Variants in MECOM observed in about 807,000 individuals in gnomAD.
MECOM encodes the protein MDS1 and EVI1 complex locus, also known as histone-lysine N-methyltransferase MECOM.
A neutral mutation model predicts 116.3 loss-of-function variants in MECOM; 13 were observed. The ratio of observed to expected loss-of-function variants is 0.11; its 90% CI spans 0.07 to 0.18. The LOEUF (loss-of-function observed/expected upper bound fraction) is 0.18, where lower values mean the gene tolerates loss of function less well. MECOM is among the 10% of genes least tolerant of loss of function. The probability of loss-of-function intolerance (pLI) is 1.00; values close to 1 mark genes in which losing one functional copy is unlikely to be tolerated. For missense variants in MECOM, 1,299 were observed against 1,509.0 expected, an observed-to-expected ratio of 0.86 and a Z score of 2.31; for synonymous variants, 528 against 535.2, an observed-to-expected ratio of 0.99 and a Z score of 0.19.
rs190623932 is a variant in MECOM, at chr3:169,298,899, T to G, written c.375+82288A>C. Among the ~76,000 whole-genome samples, 4 of 152,234 alleles carry G rather than the reference T, an allele frequency of 2.6e-5. No individual in the cohort carries two copies. In the East Asian group the frequency reaches 7.7e-4, roughly 29 times the overall value. On this transcript the variant is annotated intron_variant, in intron 2 of 16. Transcript: ENST00000651503. ...CTCAGCATTGTTCATTTTCAGTAAA[T>G]GAAAGCAATACAAGCTTTGCAAAGG...
At chr3:169,086,435 T>C in intron 16 of MECOM, 1 of 624,632 alleles carries the variant, frequency 1.6e-6, no homozygotes, top group Non-Finnish European at 2.8e-6. Flanking sequence ...ATTCTGATAT[T>C]TGGGAAGATA....
At chr3:169,382,099 T>G (rs1456887238) in intron 1 of MECOM, among the ~76,000 whole-genome samples, 2 of 152,206 alleles carry the variant, frequency 1.3e-5, no homozygotes, top group Admixed American at 1.3e-4. Flanking sequence ...CCCTTGGTAT[T>G]TCCTTGCCTC....
At chr3:169,170,523 T>TCAAATGTATATA (rs1325470161) in intron 2 of MECOM, among the ~76,000 whole-genome samples, 12 of 151,926 alleles carry the variant, frequency 7.9e-5, no homozygotes, top group African/African-American at 2.2e-4. Context: ...AAGTCACAGC[T>TCAAATGTATATA]CAAATGTATA....
At chr3:169,543,444 A>G (rs1452140746) in intron 1 of MECOM, among the ~76,000 whole-genome samples, 1 of 152,100 alleles carries the variant, frequency 6.6e-6, no homozygotes, top group Non-Finnish European at 1.5e-5. Context: ...GCATGGTAGT[A>G]TGTGCCTGTA....
chr3:169,422,533 A>C (rs1739937115), intron 1 of MECOM, among the ~76,000 whole-genome samples: 1 of 152,130 alleles, frequency 6.6e-6, no homozygotes, highest in South Asian at 2.1e-4. Flanking sequence ...GTTTACCTAG[A>C]ACCCAAAAGC....
rs116736168 is a variant in MECOM at position 169,095,083 on chromosome 3, G to A, written c.3012C>T (p.Asn1004=). Residue 1004 remains asparagine (N), a synonymous_variant, in exon 13 of 17, where the codon AAC becomes AAT. Transcript: ENST00000651503. ...DRHLKKHENG[N]MSGTATSSPH... Reference sequence around the variant, plus strand: ...ACACAATTTATTACGTACCGGACATGTTCCCATTCTCATGTTTCTTTAGGT... The same window carrying A: ...ACACAATTTATTACGTACCGGACATATTCCCATTCTCATGTTTCTTTAGGT... 1,551 of 1,604,072 alleles carry A rather than the reference G, an allele frequency of 9.7e-4. 4 individuals are homozygous for A. In the Middle Eastern group the frequency reaches 0.01, roughly 11 times the overall value.
chr3:169,386,188 T>C (rs1733288068), intron 1 of MECOM, among the ~76,000 whole-genome samples: 2 of 152,220 alleles, frequency 1.3e-5, no homozygotes, highest in Admixed American at 6.5e-5. Flanking sequence ...AAGTATTCCA[T>C]TTTGGAAACA....
chr3:169,357,304 C>T (rs1328013002), intron 2 of MECOM, among the ~76,000 whole-genome samples: 1 of 151,788 alleles, frequency 6.6e-6, no homozygotes, highest in African/African-American at 2.4e-5. Context: ...AACCTTACAG[C>T]ATTTTTCCTA....
intron 2 of MECOM, among the ~76,000 whole-genome samples, chr3:169,345,731 C>T (rs1325006979): frequency 6.6e-6 from 1 of 152,106 alleles, no homozygotes; most frequent in Non-Finnish European, 1.5e-5. Context: ...TGTGTATGGG[C>T]TAATGTCTTT....
At chr3:169,368,843 G>A (rs956777022) in intron 2 of MECOM, among the ~76,000 whole-genome samples, 4 of 151,934 alleles carry the variant, frequency 2.6e-5, no homozygotes, top group Non-Finnish European at 5.9e-5. Context: ...GGCCAAAGAG[G>A]GAAGCAATAA....
At chr3:169,153,842 A>G (rs1046190752) in intron 2 of MECOM, among the ~76,000 whole-genome samples, 11 of 152,178 alleles carry the variant, frequency 7.2e-5, no homozygotes, top group African/African-American at 2.7e-4. Context: ...CCCTGAGTTC[A>G]TGGGAACAGG....
chr3:169,237,169 A>T (rs926245933), intron 2 of MECOM, among the ~76,000 whole-genome samples: 5 of 152,220 alleles, frequency 3.3e-5, no homozygotes. Flanking sequence ...TAGAAAATAA[A>T]TTTTTTGGGA....
intron 1 of MECOM, among the ~76,000 whole-genome samples, chr3:169,513,253 C>A (rs1175859558): frequency 7.2e-5 from 11 of 152,216 alleles, no homozygotes; most frequent in East Asian, 3.8e-4. Flanking sequence ...TGTATTACTG[C>A]CTTGCTGTTC....
chr3:169,413,164 T>C (rs1331998186), intron 1 of MECOM, among the ~76,000 whole-genome samples: 2 of 152,162 alleles, frequency 1.3e-5, no homozygotes, highest in East Asian at 3.9e-4. Context: ...CCAGTTCATC[T>C]CACTGGGACT....
intron 1 of MECOM, among the ~76,000 whole-genome samples, chr3:169,388,073 G>C (rs895049865): frequency 6.6e-6 from 1 of 151,944 alleles, no homozygotes; most frequent in African/African-American, 2.4e-5. Context: ...GTGGCTGAGA[G>C]CGGAGGATGT....
intron 2 of MECOM, among the ~76,000 whole-genome samples, chr3:169,303,505 T>C (rs1173120567): frequency 6.6e-6 from 1 of 152,258 alleles, no homozygotes; most frequent in East Asian, 1.9e-4. Context: ...TAAGCGGTAG[T>C]GTAAAGATGT....
rs368069331 is a variant in MECOM, at chr3:169,451,248, T to C, written c.38-69724A>G. Among the ~76,000 whole-genome samples the C allele has an allele frequency of 2.2e-3, 271 of 125,624 alleles. 3 individuals carry two copies. Among genetic ancestry groups the C allele is most frequent in the African/African-American group, 7.3e-3 (268 of 36,592 alleles). 82.4% of individuals were successfully genotyped at this position (125,624 alleles called of 152,430 possible). A position where few individuals can be genotyped will look rare whatever the true frequency, so the allele number is the denominator to read the frequency against. On this transcript the variant is annotated intron_variant, in intron 1 of 16. Transcript: ENST00000651503. ...TCTCTCATTTAGACTTTATTTAAGA[T>C]GGTGAAAAAAAAAAAAGCAAAATGT... is the stretch of plus-strand genomic sequence containing the variant.
rs547677340 is a variant in MECOM at position 169,415,918 on chromosome 3, T to A, written c.38-34394A>T. ...CAAAGAGACTTAGACTCCAACACAATAATAATGGGAGAATTTAATACCCCA... is the reference window on the plus strand; with the variant it reads ...CAAAGAGACTTAGACTCCAACACAAAAATAATGGGAGAATTTAATACCCCA... On this transcript the variant is annotated intron_variant, in intron 1 of 16. Coordinates refer to ENST00000651503, the MANE Select transcript of MECOM (RefSeq NM_004991.4). 1.6e-3 allele frequency among the ~76,000 whole-genome samples: 247 copies of A among 152,150 alleles called. 3 individuals carry two copies. Among genetic ancestry groups the A allele is most frequent in the African/African-American group, 5.1e-3 (213 of 41,510 alleles).
rs1390224790 is a variant in MECOM at position 169,102,200 on chromosome 3, T to C, written c.2631A>G (p.Glu877=). The part of the protein sequence containing the change: ...TWMSAIENMA[E]KLESFSALKP... ...TCAGGGCACTGAAGCTCTCTAGCTTTTCTGCCATGTTTTCAATAGCTGACA... is the reference window on the plus strand; with the variant it reads ...TCAGGGCACTGAAGCTCTCTAGCTTCTCTGCCATGTTTTCAATAGCTGACA... Residue 877 remains glutamate (E), a synonymous_variant, in exon 11 of 17, where the codon GAA becomes GAG. Coordinates refer to ENST00000651503, the MANE Select transcript of MECOM (RefSeq NM_004991.4). 6.2e-7 allele frequency: 1 copy of C among 1,613,372 alleles called. No individual in the cohort carries two copies. Among genetic ancestry groups the C allele is most frequent in the Admixed American group, 1.7e-5 (1 of 59,940 alleles).
Sources: allele counts gnomAD v4.1 joint callset (sites outside exome capture counted in the v4.1 genomes callset), GRCh38; gene constraint gnomAD v4.1.1; transcripts MANE v1.5; gene names NCBI Gene and HGNC (gene_info 2026-07-23, HGNC 2026-07-21).